Variants in TRPC7 observed in about 807,000 individuals in gnomAD.
TRPC7 encodes transient receptor potential cation channel subfamily C member 7.
TRPC7 carries 42 observed loss-of-function variants against 90.1 expected under a neutral mutation model. The ratio of observed to expected loss-of-function variants is 0.47; its 90% CI spans 0.36 to 0.60. The LOEUF (loss-of-function observed/expected upper bound fraction) is 0.60. Ranked by LOEUF, TRPC7 falls within the 20% of genes least tolerant of loss-of-function variation. The pLI is 0.00. For missense variants in TRPC7, 955 were observed against 1,112.3 expected, an observed-to-expected ratio of 0.86 and a Z score of 2.01; for synonymous variants, 451 against 436.3, an observed-to-expected ratio of 1.03 and a Z score of -0.42.
chr5:136,351,583 T>C (rs1157568336), intron 2 of TRPC7, among the ~76,000 whole-genome samples: 1 of 152,222 alleles, frequency 6.6e-6, no homozygotes, highest in African/African-American at 2.4e-5. Context: ...GTTGTCTCCC[T>C]GGCTGCACAC....
intron 2 of TRPC7, among the ~76,000 whole-genome samples, chr5:136,354,301 C>T (rs556640204): frequency 9.8e-5 from 15 of 152,320 alleles, no homozygotes; most frequent in African/African-American, 3.4e-4. Flanking sequence ...GACTTTCTTT[C>T]AGTAATCTCT....
chr5:136,215,771 C>T (rs1482029473), intron 11 of TRPC7, among the ~76,000 whole-genome samples: 3 of 146,592 alleles, frequency 2.0e-5, no homozygotes, highest in Non-Finnish European at 3.0e-5. Context: ...TGCAGTGGGC[C>T]GAGATTGTGC....
chr5:136,293,087 T>G (rs1432306279), intron 3 of TRPC7, among the ~76,000 whole-genome samples: 1 of 152,104 alleles, frequency 6.6e-6, no homozygotes, highest in Non-Finnish European at 1.5e-5. Context: ...TTGGCAAAAT[T>G]CAACAACCCT....
rs1755145381 is a variant in TRPC7 at position 136,213,114 on chromosome 5, C to G, written c.*321G>C. 6.6e-6 allele frequency among the ~76,000 whole-genome samples: 1 copy of G among 152,098 alleles called. No homozygotes were observed. The highest frequency in any genetic ancestry group is 2.4e-5 in the African/African-American group (1 of 41,404). On this transcript the variant is annotated 3_prime_UTR_variant, in exon 12 of 12. Coordinates refer to ENST00000513104, the MANE Select transcript of TRPC7 (RefSeq NM_020389.3). ...GCAGTGGGAGGGCACAGGTGTGCAC[C>G]CAAGATGGCCTTTTCCTGCTCTGGC...
At chr5:136,365,157 A>AGGCT in intron 1 of TRPC7, 96 bp downstream of exon 1, 1 of 1,357,012 alleles carries the variant, frequency 7.4e-7, no homozygotes, top group Non-Finnish European at 1.0e-6. Flanking sequence ...TAGAGGAAGA[A>AGGCT]GGCTGATAAA....
chr5:136,326,469 G>A (rs747637577), intron 2 of TRPC7, among the ~76,000 whole-genome samples: 20 of 152,154 alleles, frequency 1.3e-4, no homozygotes, highest in Non-Finnish European at 2.5e-4. Context: ...TTTTCTTTCA[G>A]TGCAATAGAA....
intron 1 of TRPC7, among the ~76,000 whole-genome samples, chr5:136,359,375 T>C (rs765251032): frequency 7.9e-5 from 12 of 152,194 alleles, no homozygotes; most frequent in Non-Finnish European, 1.3e-4. Context: ...AAAAGGCAAC[T>C]GTGGGTGATA....
At chr5:136,238,336 G>A (rs767418643) in intron 7 of TRPC7, among the ~76,000 whole-genome samples, 47 of 152,202 alleles carry the variant, frequency 3.1e-4, no homozygotes, top group Non-Finnish European at 5.1e-4. Context: ...GACCTCCTTC[G>A]TCACTCTGTC....
At chr5:136,359,506 G>T (rs1251977607) in intron 1 of TRPC7, among the ~76,000 whole-genome samples, 2 of 152,116 alleles carry the variant, frequency 1.3e-5, no homozygotes, top group Admixed American at 6.5e-5. Context: ...AAATTCATGA[G>T]ATCCTTCTGA....
intron 9 of TRPC7, 99 bp from the exon 10 acceptor site, chr5:136,225,453 T>C: frequency 4.2e-6 from 5 of 1,177,110 alleles, no homozygotes; most frequent in Non-Finnish European, 6.0e-6. Context: ...TACGGGGCTG[T>C]CTCAGTGAAG....
In TRPC7 at chr5:136,247,262, C is replaced by T. The variant is rs1014979198; in HGVS notation, c.1844+209G>A. The stretch of plus-strand genomic sequence containing the variant: ...TAAATGGGAACATGCTCTGGTCACA[C>T]GAAATGTAAGTGGCAAAGTGAGGAT... On this transcript the variant is annotated intron_variant, in intron 7 of 11. Transcript: ENST00000513104. This position sits in a 1 kb window ranked among gnomAD's most constrained non-coding sequence, Gnocchi z 4.2. Among the ~76,000 whole-genome samples the T allele has an allele frequency of 3.3e-5, 5 of 151,412 alleles. No individual in the cohort carries two copies. The highest frequency in any genetic ancestry group is 7.3e-5 in the African/African-American group (3 of 41,146).
chr5:136,358,447 C>T (rs1760459924), intron 1 of TRPC7, among the ~76,000 whole-genome samples: 1 of 152,122 alleles, frequency 6.6e-6, no homozygotes, highest in Admixed American at 6.5e-5. Flanking sequence ...GAGGAAGGTG[C>T]TATTATTCTC....
chr5:136,349,146 T>A (rs897816756), intron 2 of TRPC7, among the ~76,000 whole-genome samples: 1 of 152,226 alleles, frequency 6.6e-6, no homozygotes, highest in African/African-American at 2.4e-5. Context: ...CCTCCTCTTT[T>A]GCTTCTCTAT....
Position 136,249,832 on chromosome 5 carries a change from G to A in TRPC7, c.1579+1817C>T, listed in dbSNP as rs75186785. Among the ~76,000 whole-genome samples the A allele has an allele frequency of 8.2e-3, 1,247 of 152,296 alleles. 15 individuals carry two copies. Among genetic ancestry groups the A allele is most frequent in the African/African-American group, 0.021 (880 of 41,562 alleles). On this transcript the variant is annotated intron_variant, in intron 6 of 11. Transcript: ENST00000513104. Reference sequence around the variant, plus strand: ...CTGCGCATTTGGTGCTGTAGAGGTTGGAAGGAGCCACCGTCCAGCTGGCCA... The same window carrying A: ...CTGCGCATTTGGTGCTGTAGAGGTTAGAAGGAGCCACCGTCCAGCTGGCCA...
chr5:136,237,904 C>T (rs1756033706), intron 7 of TRPC7, among the ~76,000 whole-genome samples: 1 of 152,180 alleles, frequency 6.6e-6, no homozygotes, highest in Admixed American at 6.5e-5. Flanking sequence ...CAGATCCTGC[C>T]CCTCTCTGTT....
Position 136,304,968 on chromosome 5 carries a change from G to A in TRPC7, c.963+10629C>T, listed in dbSNP as rs572936163. Among the ~76,000 whole-genome samples, 794 of 152,266 alleles carry A rather than the reference G, an allele frequency of 5.2e-3. 3 individuals carry two copies. Among genetic ancestry groups the A allele is most frequent in the African/African-American group, 0.018 (742 of 41,538 alleles). ...CTCATGTCTGCGTACAGCAGCTGCC[G>A]CTGCTTTAATACTTTTAGAGGCCCT... On this transcript the variant is annotated intron_variant, in intron 3 of 11. Coordinates refer to ENST00000513104, the MANE Select transcript of TRPC7 (RefSeq NM_020389.3).
rs189153240 is a variant in TRPC7 at position 136,288,278 on chromosome 5, T to C, written c.964-13441A>G. Reference sequence around the variant, plus strand: ...AGAGGCACAAAGCAAATTCATACTGTTTATGCCTGTTTCTCCAGTCATTAC... The same window carrying C: ...AGAGGCACAAAGCAAATTCATACTGCTTATGCCTGTTTCTCCAGTCATTAC... On this transcript the variant is annotated intron_variant, in intron 3 of 11. Transcript: ENST00000513104. Among the ~76,000 whole-genome samples the C allele has an allele frequency of 1.3e-5, 2 of 152,262 alleles. 1 individual carries two copies. The highest frequency in any genetic ancestry group is 4.8e-5 in the African/African-American group (2 of 41,550).
At chr5:136,270,675 C>A (rs1013192824) in intron 4 of TRPC7, among the ~76,000 whole-genome samples, 1 of 152,152 alleles carries the variant, frequency 6.6e-6, no homozygotes, top group Non-Finnish European at 1.5e-5. Context: ...TGTGGAGAGA[C>A]ACAGGCTAAA....
chr5:136,346,203 C>T (rs1467837660), intron 2 of TRPC7, among the ~76,000 whole-genome samples: 3 of 151,984 alleles, frequency 2.0e-5, no homozygotes, highest in Non-Finnish European at 4.4e-5. Context: ...ACATTGTGCA[C>T]ATGTACCCTA....
Sources: gnomAD v4.1 joint callset for allele counts (sites outside exome capture counted in the v4.1 genomes callset) on GRCh38, gnomAD v4.1.1 for gene constraint, Gnocchi (gnomAD v3.1) non-coding constraint, MANE v1.5 for transcripts, NCBI Gene and HGNC (gene_info 2026-07-23, HGNC 2026-07-21) for gene names.